The following NOS1AP variants were observed in gnomAD, a reference collection of about 807,000 sequenced individuals.
NOS1AP encodes nitric oxide synthase 1 adaptor protein.
A neutral mutation model predicts 56.2 loss-of-function variants in NOS1AP; 21 were observed. That is an observed-to-expected ratio of 0.37 (90% CI 0.26 to 0.54). NOS1AP has a LOEUF of 0.54. NOS1AP is among the 20% of genes least tolerant of loss of function. The pLI, the probability that NOS1AP is intolerant of heterozygous loss-of-function variation, is 0.84. For missense variants in NOS1AP, 522 were observed against 657.8 expected, an observed-to-expected ratio of 0.79 and a Z score of 2.26; for synonymous variants, 270 against 274.6, an observed-to-expected ratio of 0.98 and a Z score of 0.17.
intron 4 of NOS1AP, among the ~76,000 whole-genome samples, chr1:162,311,640 G>C (rs1208146317): frequency 1.3e-5 from 2 of 148,782 alleles, no homozygotes; most frequent in Non-Finnish European, 3.0e-5. Flanking sequence ...GTGCAGGTTA[G>C]TTACATATGT....
chr1:162,224,099 A>G (rs1652869871), intron 2 of NOS1AP, among the ~76,000 whole-genome samples: 1 of 152,152 alleles, frequency 6.6e-6, no homozygotes, highest in South Asian at 2.1e-4. Flanking sequence ...TAGAGTCATT[A>G]ACTTGTAATT....
At chr1:162,096,580 A>G (rs190259791) in intron 1 of NOS1AP, among the ~76,000 whole-genome samples, 3 of 152,190 alleles carry the variant, frequency 2.0e-5, no homozygotes, top group South Asian at 2.1e-4. Context: ...AACAACCACT[A>G]TCTTGAATTT....
intron 2 of NOS1AP, among the ~76,000 whole-genome samples, chr1:162,240,446 C>T (rs1288338833): frequency 1.3e-5 from 2 of 152,126 alleles, no homozygotes; most frequent in East Asian, 1.9e-4. Context: ...TCAGCAGGGC[C>T]CCAGAATAGC....
rs35920520 is a variant in NOS1AP, at chr1:162,221,534, GCACACACACA to G, written c.178-65780_178-65771del. Among the ~76,000 whole-genome samples, 66 of 73,460 alleles carry G rather than the reference GCACACACACA, an allele frequency of 9.0e-4. 1 individual carries two copies. Among genetic ancestry groups the G allele is most frequent in the African/African-American group, 1.8e-3 (55 of 29,834 alleles). The allele number at this position is 73,460 out of a possible 152,430, so 48.2% of individuals were successfully genotyped here. ...AACACACACACGCACACACACGCGC[GCACACACACA>G]CACACACACACACACACACACACAC... is the stretch of plus-strand genomic sequence containing the variant. On this transcript the variant is annotated intron_variant, in intron 2 of 9. Coordinates refer to ENST00000361897, the MANE Select transcript of NOS1AP (RefSeq NM_014697.3).
At chr1:162,347,324 C>T (rs1291028771) in intron 6 of NOS1AP, among the ~76,000 whole-genome samples, 2 of 152,204 alleles carry the variant, frequency 1.3e-5, no homozygotes, top group Non-Finnish European at 2.9e-5. Flanking sequence ...CCAGTATACA[C>T]ATGTACAAAG....
intron 1 of NOS1AP, among the ~76,000 whole-genome samples, chr1:162,148,301 T>A (rs1470974527): frequency 6.6e-6 from 1 of 152,218 alleles, no homozygotes; most frequent in East Asian, 1.9e-4. Context: ...ATCTCCTGTG[T>A]ACCTGGACCT....
At chr1:162,341,929 G>T (rs115904901) in intron 5 of NOS1AP, among the ~76,000 whole-genome samples, 1,854 of 152,260 alleles carry the variant, frequency 0.012, 22 homozygotes, top group Non-Finnish European at 0.019. Flanking sequence ...TCTAAATCAC[G>T]CCTTTTTGTG....
chr1:162,132,105 G>A (rs1048057658), intron 1 of NOS1AP, among the ~76,000 whole-genome samples: 1 of 152,200 alleles, frequency 6.6e-6, no homozygotes, highest in Non-Finnish European at 1.5e-5. Flanking sequence ...CTGCCTGGAA[G>A]GTGAGCTGAA....
intron 6 of NOS1AP, among the ~76,000 whole-genome samples, chr1:162,351,796 C>G (rs1181947077): frequency 6.6e-6 from 1 of 152,170 alleles, no homozygotes; most frequent in African/African-American, 2.4e-5. Flanking sequence ...CACAGCTTGT[C>G]TGTACTCACT....
At chr1:162,151,360 A>G (rs897230031) in intron 1 of NOS1AP, among the ~76,000 whole-genome samples, 2 of 152,032 alleles carry the variant, frequency 1.3e-5, no homozygotes, top group South Asian at 4.2e-4. Context: ...TTTTGGTTAC[A>G]TGTTCTGTAG....
At chr1:162,297,002 A>G (rs945393990) in intron 3 of NOS1AP, among the ~76,000 whole-genome samples, 6 of 152,228 alleles carry the variant, frequency 3.9e-5, no homozygotes, top group African/African-American at 1.4e-4. Context: ...ATAGAGCTCA[A>G]TGATTGGGTG....
intron 1 of NOS1AP, among the ~76,000 whole-genome samples, chr1:162,078,600 C>T (rs1691823871): frequency 6.6e-6 from 1 of 152,088 alleles, no homozygotes; most frequent in Admixed American, 6.5e-5. Context: ...CTCCAGTGTC[C>T]CACTTGTTCT....
At chr1:162,125,073 CAGTG>C (rs1266962135) in intron 1 of NOS1AP, among the ~76,000 whole-genome samples, 2 of 151,320 alleles carry the variant, frequency 1.3e-5, no homozygotes, top group African/African-American at 4.9e-5. Context: ...TTCCCACCAG[CAGTG>C]AGTAAGTGTT....
intron 2 of NOS1AP, among the ~76,000 whole-genome samples, chr1:162,191,299 C>A (rs1183869338): frequency 6.6e-6 from 1 of 152,172 alleles, no homozygotes; most frequent in Non-Finnish European, 1.5e-5. Context: ...CCTGCCCTGG[C>A]CCCACTTGCT....
At chr1:162,264,919 T>C (rs1323052371) in intron 2 of NOS1AP, among the ~76,000 whole-genome samples, 5 of 151,642 alleles carry the variant, frequency 3.3e-5, no homozygotes, top group African/African-American at 4.9e-5. Flanking sequence ...GCTCAAGCGA[T>C]TCTCTTGCCT....
At chr1:162,207,890 A>G (rs535645572) in intron 2 of NOS1AP, among the ~76,000 whole-genome samples, 1 of 152,334 alleles carries the variant, frequency 6.6e-6, no homozygotes, top group East Asian at 1.9e-4. Flanking sequence ...TTTTAAAAAT[A>G]AAGTTTATTT....
intron 2 of NOS1AP, among the ~76,000 whole-genome samples, chr1:162,279,452 G>C (rs970793134): frequency 1.3e-5 from 2 of 152,238 alleles, no homozygotes; most frequent in Admixed American, 6.5e-5. Context: ...TGGAAATGCA[G>C]CCTCCTCACA....
chr1:162,221,530 G>GCACACACACA (rs1225944628), intron 2 of NOS1AP, among the ~76,000 whole-genome samples: 12 of 62,488 alleles, frequency 1.9e-4, no homozygotes, highest in African/African-American at 3.8e-4. Context: ...GCACACACAC[G>GCACACACACA]CGCGCACACA....
At chr1:162,289,219 T>A in intron 3 of NOS1AP, among the ~76,000 whole-genome samples, 1 of 19,422 alleles carries the variant, frequency 5.1e-5, no homozygotes, top group African/African-American at 2.6e-4. Flanking sequence ...TTTCCTTCCT[T>A]CCTTCCTTCC....
Sources: gnomAD v4.1 joint callset for allele counts (sites outside exome capture counted in the v4.1 genomes callset) on GRCh38, gnomAD v4.1.1 for gene constraint, MANE v1.5 for transcripts, NCBI Gene and HGNC (gene_info 2026-07-23, HGNC 2026-07-21) for gene names.